The following EGFLAM variants were observed in gnomAD, a reference collection of about 807,000 sequenced individuals.
EGFLAM encodes the protein EGF like, fibronectin type III and laminin G domains.
In EGFLAM, 79 loss-of-function variants were observed where a neutral mutation model predicts 113.1. That is an observed-to-expected ratio of 0.70 (90% confidence interval 0.58 to 0.84). The LOEUF is 0.84. EGFLAM is among the 40% of genes least tolerant of loss of function. The pLI is 0.00. For synonymous variants in EGFLAM, 504 were observed against 487.6 expected, an observed-to-expected ratio of 1.03 and a Z score of -0.44; for missense variants, 1,265 against 1,291.6, an observed-to-expected ratio of 0.98 and a Z score of 0.32.
chr5:38,426,995 G>A lies in EGFLAM; in HGVS notation c.1811-14G>A. ...GCCACAGAGGGATTTCTAACACCATGCTTGTTTTTTCAGCTTTCACCTTGA... is the reference window on the plus strand; with the variant it reads ...GCCACAGAGGGATTTCTAACACCATACTTGTTTTTTCAGCTTTCACCTTGA... On this transcript the variant is annotated splice_polypyrimidine_tract_variant and intron_variant, in intron 13 of 21. Transcript: ENST00000322350. 6.2e-7 allele frequency: 1 copy of A among 1,613,090 alleles called. No homozygotes were observed. Among genetic ancestry groups the A allele is most frequent in the Non-Finnish European group, 8.5e-7 (1 of 1,179,756 alleles).
At chr5:38,458,619 C>T (rs1441075972) in intron 20 of EGFLAM, among the ~76,000 whole-genome samples, 5 of 152,192 alleles carry the variant, frequency 3.3e-5, no homozygotes, top group Non-Finnish European at 7.3e-5. Context: ...AAGCAGTAAC[C>T]TTCTGGAGAA....
At chr5:38,283,707 C>T (rs1024364633) in intron 1 of EGFLAM, among the ~76,000 whole-genome samples, 1 of 152,188 alleles carries the variant, frequency 6.6e-6, no homozygotes. Flanking sequence ...CTGCTAGATC[C>T]ACCACCTCTC....
At chr5:38,333,363 C>A (rs1017292183) in intron 1 of EGFLAM, among the ~76,000 whole-genome samples, 1 of 152,110 alleles carries the variant, frequency 6.6e-6, no homozygotes, top group Non-Finnish European at 1.5e-5. Context: ...TTTAGCTCTT[C>A]GAGGAATTGC....
At chr5:38,333,617 C>T (rs746124184) in intron 1 of EGFLAM, among the ~76,000 whole-genome samples, 8 of 151,916 alleles carry the variant, frequency 5.3e-5, no homozygotes, top group East Asian at 3.9e-4. Flanking sequence ...GATGTGTGTT[C>T]GTGTCCTTTG....
At chr5:38,347,036 G>A (rs16900045) in intron 3 of EGFLAM, among the ~76,000 whole-genome samples, 5,105 of 152,186 alleles carry the variant, frequency 0.034, 126 homozygotes, top group East Asian at 0.058. Flanking sequence ...GGGCACCAAG[G>A]TGGAAATGGG....
intron 3 of EGFLAM, among the ~76,000 whole-genome samples, chr5:38,346,816 T>C (rs1561287261): frequency 6.6e-6 from 1 of 152,170 alleles, no homozygotes; most frequent in Non-Finnish European, 1.5e-5. Context: ...CTCCAGTCTC[T>C]TAACCACCAA....
chr5:38,337,520 G>A lies in EGFLAM; in HGVS notation c.98G>A (p.Gly33Asp), dbSNP rs925640657. ...CACAATCTCTTTTGTTTGGGGGCAG[G>A]CAAGGTAGGGCCTCCTCTTGACATC... is the stretch of plus-strand genomic sequence containing the variant. ...VSLRAAIRKP[G>D]KVGPPLDIKL... Residue 33 changes from glycine (G) to aspartate (D), a missense_variant and splice_region_variant, in exon 2 of 22, where the codon GGC (glycine) becomes GAC (aspartate). Physicochemically the swap from Gly to Asp is moderately conservative, Grantham distance 94 (BLOSUM62 -1). Transcript: ENST00000322350. 2 of 1,592,688 alleles carry A rather than the reference G, an allele frequency of 1.3e-6. No individual in the cohort carries two copies. The highest frequency in any genetic ancestry group is 1.7e-6 in the Non-Finnish European group (2 of 1,167,236).
At chr5:38,390,583 C>G (rs1740783194) in intron 6 of EGFLAM, among the ~76,000 whole-genome samples, 1 of 152,216 alleles carries the variant, frequency 6.6e-6, no homozygotes, top group African/African-American at 2.4e-5. Flanking sequence ...AATTCTTCCT[C>G]AGTTTCACTG....
intron 17 of EGFLAM, among the ~76,000 whole-genome samples, chr5:38,446,354 C>T (rs1561098868): frequency 6.6e-6 from 1 of 152,090 alleles, no homozygotes; most frequent in Non-Finnish European, 1.5e-5. Flanking sequence ...TGCCCGGTGG[C>T]TGCCTTCTCT....
chr5:38,281,074 G>A (rs1195673969), intron 1 of EGFLAM, among the ~76,000 whole-genome samples: 1 of 152,182 alleles, frequency 6.6e-6, no homozygotes, highest in Non-Finnish European at 1.5e-5. Context: ...AATGATTGCA[G>A]TGGTTTCCAG....
At chr5:38,288,156 G>A (rs896564093) in intron 1 of EGFLAM, among the ~76,000 whole-genome samples, 4 of 152,050 alleles carry the variant, frequency 2.6e-5, no homozygotes, top group Non-Finnish European at 4.4e-5. Flanking sequence ...TATTAATGTA[G>A]TTTTATATAA....
intron 1 of EGFLAM, among the ~76,000 whole-genome samples, chr5:38,289,740 A>G (rs1758264786): frequency 6.6e-6 from 1 of 152,206 alleles, no homozygotes; most frequent in Admixed American, 6.5e-5. Context: ...CAAGAATTCT[A>G]TAATGAAGAC....
At chr5:38,407,734 T>C (rs1222380929) in intron 8 of EGFLAM, 71 bp from the exon 9 acceptor site, 2 of 1,138,974 alleles carry the variant, frequency 1.8e-6, no homozygotes, top group Non-Finnish European at 2.6e-6. Flanking sequence ...CAGGCAACGT[T>C]GTATATTGAT....
chr5:38,392,154 C>T (rs991176831), intron 6 of EGFLAM, among the ~76,000 whole-genome samples: 1 of 152,110 alleles, frequency 6.6e-6, no homozygotes, highest in African/African-American at 2.4e-5. Context: ...TTTTCTTCTT[C>T]GTGTTCATAA....
At chr5:38,330,793 A>G (rs951596055) in intron 1 of EGFLAM, among the ~76,000 whole-genome samples, 1 of 152,192 alleles carries the variant, frequency 6.6e-6, no homozygotes, top group African/African-American at 2.4e-5. Context: ...AATCATTTCC[A>G]TTATCTTTCT....
intron 1 of EGFLAM, among the ~76,000 whole-genome samples, chr5:38,327,119 T>A (rs1203093827): frequency 1.3e-5 from 2 of 152,056 alleles, no homozygotes; most frequent in Non-Finnish European, 2.9e-5. Context: ...TTTACGCGGG[T>A]ATATTACCTT....
Position 38,409,099 on chromosome 5 carries a change from G to A in EGFLAM, c.1344G>A (p.Gln448=). The change falls in exon 10 of 22, where the codon CAG becomes CAA. Residue 448 remains glutamine (Q), a synonymous_variant. Coordinates refer to ENST00000322350, the MANE Select transcript of EGFLAM (RefSeq NM_152403.4). ...MSLAIIRRSL[Q]FRFNCGTGVA... is the part of the protein sequence containing the mutation. Reference sequence around the variant, plus strand: ...TGGCTATCATCCGACGCTCCCTGCAGTTCAGGTAATTCCTGCCAAAAGCCT... The same window carrying A: ...TGGCTATCATCCGACGCTCCCTGCAATTCAGGTAATTCCTGCCAAAAGCCT... 6.4e-7 allele frequency: 1 copy of A among 1,571,982 alleles called. No homozygotes were observed.
intron 5 of EGFLAM, among the ~76,000 whole-genome samples, chr5:38,367,959 G>A (rs1170136292): frequency 6.6e-6 from 1 of 152,166 alleles, no homozygotes; most frequent in East Asian, 1.9e-4. Context: ...CTGGAAATAA[G>A]AGTTTTTCTT....
In EGFLAM at chr5:38,319,693, C is replaced by T. The variant is rs138010647; in HGVS notation, c.98-17827C>T. ...GATGGGTTCCATCTGGAATGCTTGG[C>T]ATTTGGGGTGTTTGTTAGCCATCAA... On this transcript the variant is annotated intron_variant, in intron 1 of 21. Coordinates refer to ENST00000322350, the MANE Select transcript of EGFLAM (RefSeq NM_152403.4). Among the ~76,000 whole-genome samples, 210 of 152,282 alleles carry T rather than the reference C, an allele frequency of 1.4e-3. 2 individuals are homozygous for T. The highest frequency in any genetic ancestry group is 5.3e-4 in the Non-Finnish European group (36 of 68,028).
Sources: gnomAD v4.1 joint callset for allele counts (sites outside exome capture counted in the v4.1 genomes callset) on GRCh38, gnomAD v4.1.1 for gene constraint, MANE v1.5 for transcripts, NCBI Gene and HGNC (gene_info 2026-07-23, HGNC 2026-07-21) for gene names.